The following HK3 variants were observed in gnomAD, a reference collection of about 807,000 sequenced individuals.
HK3 encodes hexokinase 3.
Under a neutral mutation model 91.0 loss-of-function variants are expected in HK3, and 93 were observed. The observed-to-expected ratio is 1.02, with a 90% confidence interval of 0.86 to 1.21. The LOEUF is 1.21. Ranked by LOEUF, HK3 falls within the 50% of genes most tolerant of loss-of-function variation. HK3 has a pLI of 0.00. For missense variants in HK3, 1,235 were observed against 1,247.4 expected (o/e 0.99, Z 0.15); for synonymous variants, 519 against 516.9 (o/e 1.00, Z -0.06).
rs781275370 is a variant in HK3 at position 176,887,240 on chromosome 5, G to A, written c.1698C>T (p.Tyr566=). The A allele has an allele frequency of 1.2e-6, 2 of 1,614,010 alleles. No individual in the cohort carries two copies. Among genetic ancestry groups the A allele is most frequent in the African/African-American group, 1.3e-5 (1 of 74,922 alleles). The part of the protein sequence containing the change: ...TTGVQITSEI[Y]SIPETVAQGS... ...CCTGGGCCACAGTCTCGGGAATGGA[G>A]TAGATCTCGCTGGTGATCTGCACGC... is the stretch of plus-strand genomic sequence containing the variant. Residue 566 remains tyrosine (Y), a synonymous_variant, in exon 12 of 19, where the codon TAC becomes TAT. Coordinates refer to ENST00000292432, the MANE Select transcript of HK3 (RefSeq NM_002115.3). This position sits in a 1 kb window ranked among gnomAD's most constrained non-coding sequence, Gnocchi z 4.9.
Position 176,881,284 on chromosome 5 carries a change from C to G in HK3, c.2627+18G>C. On this transcript the variant is annotated intron_variant, in intron 18 of 18. Transcript: ENST00000292432. ...ACCTGGCCACACCTCCCTCCCCAGC[C>G]CGCACACCCAGACTCACCGCGGGTG... The G allele has an allele frequency of 1.2e-6, 2 of 1,613,680 alleles. No homozygotes were observed. Among genetic ancestry groups the G allele is most frequent in the Non-Finnish European group, 1.7e-6 (2 of 1,179,906 alleles).
chr5:176,886,083 G>T (rs1028280579), intron 13 of HK3, among the ~76,000 whole-genome samples: 1 of 152,034 alleles, frequency 6.6e-6, no homozygotes, highest in Non-Finnish European at 1.5e-5. Flanking sequence ...CTAAAAATGA[G>T]CTGGGCGTGT....
chr5:176,897,417 A>G (rs1432254366), intron 1 of HK3, among the ~76,000 whole-genome samples: 1 of 152,152 alleles, frequency 6.6e-6, no homozygotes, highest in East Asian at 1.9e-4. Flanking sequence ...ACATCTGTCC[A>G]CTGAGTCACT....
chr5:176,887,358 A>G lies in HK3; in HGVS notation c.1601-21T>C. 1 of 1,613,840 alleles carries G rather than the reference A, an allele frequency of 6.2e-7. No homozygotes were observed. The highest frequency in any genetic ancestry group is 8.5e-7 in the Non-Finnish European group (1 of 1,180,030). ...TCGCTCTGTGGGGGCAGAGACCCTC[A>G]GTGCCGGGATAGGGCTTGTGGCTCC... On this transcript the variant is annotated intron_variant, in intron 11 of 18. Coordinates refer to ENST00000292432, the MANE Select transcript of HK3 (RefSeq NM_002115.3). This position sits in a 1 kb window ranked among gnomAD's most constrained non-coding sequence, Gnocchi z 4.9.
chr5:176,888,821 G>C lies in HK3; in HGVS notation c.958C>G (p.Arg320Gly). Residue 320 changes from arginine to glycine, a missense_variant, in exon 9 of 19, where the codon CGG becomes GGG. Arg to Gly is a moderately radical substitution (Grantham distance 125). Transcript: ENST00000292432. ...CGGGCCAAGTGAGCCAGCACCAGCC[G>C]CACCAGCTCACCCAGGTACAGGCCT... ...IGGLYLGELV[R>G]LVLAHLARCG... 9 of 1,613,874 alleles carry C rather than the reference G, an allele frequency of 5.6e-6. No homozygotes were observed. The highest frequency in any genetic ancestry group is 6.8e-6 in the Non-Finnish European group (8 of 1,179,892).
chr5:176,888,019 G>A (rs1758649440), intron 10 of HK3, among the ~76,000 whole-genome samples: 1 of 152,024 alleles, frequency 6.6e-6, no homozygotes, highest in African/African-American at 2.4e-5. Flanking sequence ...TCCCACCTCA[G>A]CCTCCCAGTG....
chr5:176,881,379 C>T lies in HK3; in HGVS notation c.2550G>A (p.Lys850=), dbSNP rs1218011281. ...CGAGVAAVVE[K]IRENRGLEEL... ...CTTCCAGGCCCCGGTTCTCCCGGATCTTCTCCACCACGGCAGCTACACCCG... is the reference window on the plus strand; with the variant it reads ...CTTCCAGGCCCCGGTTCTCCCGGATTTTCTCCACCACGGCAGCTACACCCG... Residue 850 remains lysine (K), a synonymous_variant, in exon 18 of 19, where the codon AAG becomes AAA. Coordinates refer to ENST00000292432, the MANE Select transcript of HK3 (RefSeq NM_002115.3). The T allele has an allele frequency of 6.2e-7, 1 of 1,613,790 alleles. No homozygotes were observed. The highest frequency in any genetic ancestry group is 8.5e-7 in the Non-Finnish European group (1 of 1,180,036).
At chr5:176,891,847 C>T (rs1362578531) in intron 2 of HK3, among the ~76,000 whole-genome samples, 1 of 152,216 alleles carries the variant, frequency 6.6e-6, no homozygotes, top group Non-Finnish European at 1.5e-5. Context: ...AGACCTTCTT[C>T]CTGCCATACC....
At position 176,899,256 on chromosome 5, in the gene HK3, G is replaced by A. The variant is rs1161614400; in HGVS notation, c.-27+11C>T. ...GGAAGGAGCAGGCAGTAATTAGACC[G>A]AAGTGCTTACCTGGGACACAGAGAA... On this transcript the variant is annotated intron_variant, in intron 1 of 18. Coordinates refer to ENST00000292432, the MANE Select transcript of HK3 (RefSeq NM_002115.3). 3.9e-5 allele frequency: 6 copies of A among 152,276 alleles called. No homozygotes were observed. Among genetic ancestry groups the A allele is most frequent in the Admixed American group, 1.3e-4 (2 of 15,282 alleles). 9.4% of individuals were successfully genotyped at this position (152,276 alleles called of 1,614,324 possible).
rs1395875025 is a variant in HK3 at position 176,889,500 on chromosome 5, C to A, written c.795G>T (p.Arg265=). Residue 265 remains arginine (R), a synonymous_variant, in exon 8 of 19, where the codon CGG becomes CGT. Transcript: ENST00000292432. Reference sequence around the variant, plus strand: ...ACTCGACGCTGACGCAGACGCGGCCCCGGTCTTCGTCCAGCACTGCCACAT... The same window carrying A: ...ACTCGACGCTGACGCAGACGCGGCCACGGTCTTCGTCCAGCACTGCCACAT... ...ARHVAVLDED[R]GRVCVSVEWG... The A allele has an allele frequency of 6.2e-7, 1 of 1,614,180 alleles. No individual in the cohort carries two copies. The highest frequency in any genetic ancestry group is 1.1e-5 in the South Asian group (1 of 91,086).
At chr5:176,898,606 C>T (rs1375290618) in intron 1 of HK3, among the ~76,000 whole-genome samples, 1 of 152,218 alleles carries the variant, frequency 6.6e-6, no homozygotes, top group Non-Finnish European at 1.5e-5. Flanking sequence ...GTGAAGCAAT[C>T]CCCAAGTAGC....
intron 9 of HK3, 55 bp downstream of exon 9, chr5:176,888,654 A>G (rs2149375613): frequency 1.2e-6 from 2 of 1,612,754 alleles, no homozygotes; most frequent in East Asian, 2.2e-5. Context: ...ACAGAGTATC[A>G]TCCCCTTCCT....
chr5:176,886,897 C>G lies in HK3; in HGVS notation c.1857+105G>C, dbSNP rs1404254424. On this transcript the variant is annotated intron_variant, in intron 13 of 18. Coordinates refer to ENST00000292432, the MANE Select transcript of HK3 (RefSeq NM_002115.3). Reference sequence around the variant, plus strand: ...GCAGTGCTGCCACCACCACCAACCCCAGACCCGCCACCGCCCAGCCTTTTC... The same window carrying G: ...GCAGTGCTGCCACCACCACCAACCCGAGACCCGCCACCGCCCAGCCTTTTC... The G allele has an allele frequency of 5.1e-6, 7 of 1,372,690 alleles. No homozygotes were observed. In the Admixed American group the frequency reaches 1.2e-4, roughly 24 times the overall value. 85.0% of individuals were successfully genotyped at this position (1,372,690 alleles called of 1,614,324 possible).
chr5:176,886,515 T>C (rs1253751377), intron 13 of HK3, among the ~76,000 whole-genome samples: 1 of 152,018 alleles, frequency 6.6e-6, no homozygotes, highest in African/African-American at 2.4e-5. Context: ...TCCCTCATCC[T>C]TGTGTAAGAA....
chr5:176,896,172 T>G lies in HK3; in HGVS notation c.-13A>C. On this transcript the variant is annotated 5_prime_UTR_variant, in exon 2 of 19. Coordinates refer to ENST00000292432, the MANE Select transcript of HK3 (RefSeq NM_002115.3). ...CAATGGAGTCCATGAGCTTCCACAG[T>G]GGAAGGTGGCCACCTATGGGAGAAA... 2 of 1,584,956 alleles carry G rather than the reference T, an allele frequency of 1.3e-6. No homozygotes were observed. Among genetic ancestry groups the G allele is most frequent in the Non-Finnish European group, 1.7e-6 (2 of 1,165,252 alleles).
At chr5:176,897,530 T>G (rs1160144123) in intron 1 of HK3, among the ~76,000 whole-genome samples, 1 of 152,104 alleles carries the variant, frequency 6.6e-6, no homozygotes. Context: ...TAATTTGCCC[T>G]CCACGTGGTC....
chr5:176,899,286 G>C lies in HK3; in HGVS notation c.-46C>G, dbSNP rs1758984720. 1 of 152,304 alleles carries C rather than the reference G, an allele frequency of 6.6e-6. No individual in the cohort carries two copies. The highest frequency in any genetic ancestry group is 1.5e-5 in the Non-Finnish European group (1 of 68,108). The allele number at this position is 152,304 out of a possible 1,614,324, so 9.4% of individuals were successfully genotyped here. A position where few individuals can be genotyped will look rare whatever the true frequency, so the allele number is the denominator to read the frequency against. On this transcript the variant is annotated 5_prime_UTR_variant, in exon 1 of 19. Coordinates refer to ENST00000292432, the MANE Select transcript of HK3 (RefSeq NM_002115.3). The stretch of plus-strand genomic sequence containing the variant: ...GCTTACCTGGGACACAGAGAAGCTA[G>C]TCACTCTCCTCAGGTCTGAGCTCTT...
chr5:176,890,509 G>C, intron 6 of HK3, 126 bp downstream of exon 6: 1 of 796,296 alleles, frequency 1.3e-6, no homozygotes, highest in South Asian at 1.5e-5. Context: ...ACTGGATGGA[G>C]GTTAAACTGG....
Position 176,883,823 on chromosome 5 carries a change from GT to G in HK3, c.1999del (p.Thr667ProfsTer2). The G allele has an allele frequency of 4.3e-6, 7 of 1,614,078 alleles. No individual in the cohort carries two copies. Among genetic ancestry groups the G allele is most frequent in the Non-Finnish European group, 5.9e-6 (7 of 1,180,016 alleles). On this transcript the variant is annotated frameshift_variant, in exon 15 of 19. Coordinates refer to ENST00000292432, the MANE Select transcript of HK3 (RefSeq NM_002115.3). LOFTEE classifies it high-confidence loss of function. ...GTCCTCATAGCCACAGGACATCATG[GT>G]CCCCACCGTGTCATTGACAATGGCA... ...VVAIVNDTVG[T>X]MMSCGYEDPR...
Sources: gnomAD v4.1 joint callset for allele counts (sites outside exome capture counted in the v4.1 genomes callset) on GRCh38, gnomAD v4.1.1 for gene constraint, Gnocchi (gnomAD v3.1) non-coding constraint, MANE v1.5 for transcripts, NCBI Gene and HGNC (gene_info 2026-07-23, HGNC 2026-07-21) for gene names.